Variants in ZNF248 observed in about 807,000 individuals in gnomAD.
ZNF248 encodes KRAB protein domain.
In ZNF248, 20 loss-of-function variants were observed where a neutral mutation model predicts 44.3. The ratio of observed to expected loss-of-function variants is 0.45; its 90% confidence interval spans 0.32 to 0.66. The LOEUF (loss-of-function observed/expected upper bound fraction) is 0.66, where lower values mean the gene tolerates loss of function less well. ZNF248 is among the 30% of genes least tolerant of loss of function. The probability of loss-of-function intolerance (pLI) is 0.04; values close to 1 mark genes in which losing one functional copy is unlikely to be tolerated. For synonymous variants in ZNF248, 224 were observed against 229.0 expected, an observed-to-expected ratio of 0.98 and a Z score of 0.20; for missense variants, 654 against 677.0, an observed-to-expected ratio of 0.97 and a Z score of 0.38.
At position 37,829,777 on chromosome 10, in the gene ZNF248, T is replaced by C; in HGVS notation, c.*1838A>G. 1.0e-6 allele frequency: 1 copy of C among 985,414 alleles called. No homozygotes were observed. The highest frequency in any genetic ancestry group is 5.2e-4 in the Middle Eastern group (1 of 1,914). 61.0% of individuals were successfully genotyped at this position (985,414 alleles called of 1,614,324 possible). The stretch of plus-strand genomic sequence containing the variant: ...CTTCTCATGTCATGACAATGTTGTA[T>C]CAAGGAGATCTTTCCCAGAAGTACT... On this transcript the variant is annotated 3_prime_UTR_variant, in exon 6 of 6. Transcript: ENST00000395867.
At chr10:37,798,015 C>T (rs2049354530) in intron 6 of ZNF248, among the ~76,000 whole-genome samples, 1 of 152,114 alleles carries the variant, frequency 6.6e-6, no homozygotes, top group Non-Finnish European at 1.5e-5. Context: ...CACAAACGCA[C>T]AGCAGCATTG....
intron 6 of ZNF248, chr10:37,795,571 G>A (rs1488095970): frequency 6.6e-6 from 1 of 151,880 alleles, no homozygotes; most frequent in Non-Finnish European, 1.5e-5. Flanking sequence ...TAAATCCTTA[G>A]TGTGGCCCCA....
intron 3 of ZNF248, among the ~76,000 whole-genome samples, chr10:37,847,038 G>A (rs893220241): frequency 1.3e-5 from 2 of 151,986 alleles, no homozygotes; most frequent in African/African-American, 4.8e-5. Context: ...TTTTGTTGTT[G>A]TTGCTGCTGT....
Position 37,838,042 on chromosome 10 carries a change from G to C in ZNF248, c.85C>G (p.Gln29Glu), listed in dbSNP as rs1347105446. The C allele has an allele frequency of 6.2e-7, 1 of 1,613,862 alleles. No homozygotes were observed. The highest frequency in any genetic ancestry group is 1.1e-5 in the South Asian group (1 of 91,042). ...QEEWYLLDPA[Q>E]KILYRDVILE... ...ATCACATCTCTGTATAGAATCTTCT[G>C]AGCAGGGTCCAGCAGATACCACTCT... is the stretch of plus-strand genomic sequence containing the variant. The change falls in exon 4 of 6, where the codon CAG becomes GAG. Residue 29 changes from glutamine (Q) to glutamate (E), a missense_variant. Gln to Glu is a conservative substitution (Grantham distance 29, BLOSUM62 2). Transcript: ENST00000395867.
rs369491168 is a variant in ZNF248, at chr10:37,837,982, T to C, written c.142+3A>G. 7.4e-6 allele frequency: 12 copies of C among 1,612,764 alleles called. No individual in the cohort carries two copies. Among genetic ancestry groups the C allele is most frequent in the Middle Eastern group, 1.7e-4 (1 of 6,052 alleles). ...TAGCCATGTGCGGAAAAAAACTCCT[T>C]ACCTACTGAGACAAGATTGCTATAA... On this transcript the variant is annotated splice_donor_region_variant and intron_variant, in intron 4 of 5. Coordinates refer to ENST00000395867, the MANE Select transcript of ZNF248 (RefSeq NM_021045.3).
At chr10:37,769,526 T>C in the ZNF248 span, among the ~76,000 whole-genome samples, 2 of 152,138 alleles carry the variant, frequency 1.3e-5, no homozygotes, top group Non-Finnish European at 2.9e-5. Context: ...AAAAACCACA[T>C]GATTATCTCA....
Position 37,832,861 on chromosome 10 carries a change from G to C in ZNF248, c.494C>G (p.Pro165Arg). The change falls in exon 6 of 6, where the codon CCT becomes CGT. Residue 165 changes from proline (P) to arginine (R), a missense_variant. Transcript: ENST00000395867. ...TTTCTCACATACATTAAACTCATCA[G>C]GCTTCTTTCTGGAACAGTTCTTTTT... Reference protein sequence around the residue: ...ISKKNCSRKKPDEFNVCEKLL... With the variant: ...ISKKNCSRKKRDEFNVCEKLL... The C allele has an allele frequency of 1.2e-6, 2 of 1,613,788 alleles. No individual in the cohort carries two copies. Among genetic ancestry groups the C allele is most frequent in the Non-Finnish European group, 1.7e-6 (2 of 1,179,842 alleles).
intron 3 of ZNF248, among the ~76,000 whole-genome samples, chr10:37,854,331 G>A (rs921674987): frequency 6.6e-6 from 1 of 152,066 alleles, no homozygotes; most frequent in African/African-American, 2.4e-5. Flanking sequence ...AAAAATAATG[G>A]CTTGCAACTC....
At chr10:37,762,641 A>C in the ZNF248 span, among the ~76,000 whole-genome samples, 19 of 152,324 alleles carry the variant, frequency 1.2e-4, no homozygotes, top group Admixed American at 3.9e-4. Context: ...ATTTTATAAA[A>C]GTTTTTGGCC....
downstream of ZNF248, among the ~76,000 whole-genome samples, chr10:37,774,358 G>A (rs987844153): frequency 7.2e-5 from 11 of 152,172 alleles, no homozygotes; most frequent in African/African-American, 2.7e-4. Context: ...TTTGCTCAGC[G>A]AGAGCACATC....
At chr10:37,783,808 C>T (rs1208772) in intron 6 of ZNF248, 9,142 of 152,248 alleles carry the variant, frequency 0.06, 353 homozygotes, top group Middle Eastern at 0.095. Context: ...CCTTAATATT[C>T]CTCCCAAAGA....
At chr10:37,799,564 A>G (rs1265603686) in intron 6 of ZNF248, among the ~76,000 whole-genome samples, 1 of 152,192 alleles carries the variant, frequency 6.6e-6, no homozygotes, top group Non-Finnish European at 1.5e-5. Context: ...TCTCCAAAAA[A>G]AGAAAAATTC....
At chr10:37,821,105 T>C in intron 6 of ZNF248, 2 of 557,670 alleles carry the variant, frequency 3.6e-6, no homozygotes, top group Admixed American at 3.2e-5. Context: ...CATGCTGCCA[T>C]TGTGGAAGTC....
intron 6 of ZNF248, among the ~76,000 whole-genome samples, chr10:37,801,548 G>T (rs149571914): frequency 6.6e-6 from 1 of 151,882 alleles, no homozygotes; most frequent in East Asian, 1.9e-4. Flanking sequence ...AATACACATA[G>T]AATTATTCTC....
In ZNF248 at chr10:37,832,776, A is replaced by T. The variant is rs574822855; in HGVS notation, c.579T>A (p.Asp193Glu). 6.2e-7 allele frequency: 1 copy of T among 1,613,496 alleles called. No homozygotes were observed. The highest frequency in any genetic ancestry group is 1.7e-5 in the Admixed American group (1 of 59,890). ...GATAATTAATGGCATTCCTTTTTTG[A>T]TCATATTTATAAGACTTCTCTCCAA... The part of the protein sequence containing the change: ...IPIGEKSYKY[D>E]QKRNAINYHQ... The change falls in exon 6 of 6, where the codon GAT becomes GAA. Residue 193 changes from aspartate (D) to glutamate (E), a missense_variant. Asp to Glu is a conservative substitution (Grantham distance 45). Coordinates refer to ENST00000395867, the MANE Select transcript of ZNF248 (RefSeq NM_021045.3).
Position 37,831,469 on chromosome 10 carries a change from T to C in ZNF248, c.*146A>G. 6.9e-7 allele frequency: 1 copy of C among 1,458,634 alleles called. No individual in the cohort carries two copies. 90.4% of individuals were successfully genotyped at this position (1,458,634 alleles called of 1,614,324 possible). Reference sequence around the variant, plus strand: ...ATTCCCCTCAGTACAAATTTTCTAATGAAAAGTTTTAATTTTTCTTGAAAG... The same window carrying C: ...ATTCCCCTCAGTACAAATTTTCTAACGAAAAGTTTTAATTTTTCTTGAAAG... On this transcript the variant is annotated 3_prime_UTR_variant, in exon 6 of 6. Coordinates refer to ENST00000395867, the MANE Select transcript of ZNF248 (RefSeq NM_021045.3).
intron 3 of ZNF248, among the ~76,000 whole-genome samples, chr10:37,853,477 A>G (rs1165463187): frequency 6.6e-6 from 1 of 151,914 alleles, no homozygotes; most frequent in East Asian, 1.9e-4. Context: ...TCCCAGGTTC[A>G]CTCCATTCTC....
chr10:37,853,944 A>G (rs943791107), intron 3 of ZNF248, among the ~76,000 whole-genome samples: 69 of 152,332 alleles, frequency 4.5e-4, no homozygotes, highest in African/African-American at 1.6e-3. Flanking sequence ...TAAATACGAA[A>G]GCCTACCCAC....
intron 6 of ZNF248, among the ~76,000 whole-genome samples, chr10:37,793,772 C>G (rs1260962316): frequency 1.3e-5 from 2 of 152,130 alleles, no homozygotes; most frequent in Non-Finnish European, 2.9e-5. Context: ...GGATTTCCTA[C>G]TTTTCCGTGT....
Sources: gnomAD v4.1 joint callset for allele counts (sites outside exome capture counted in the v4.1 genomes callset) on GRCh38, gnomAD v4.1.1 for gene constraint, MANE v1.5 for transcripts, NCBI Gene and HGNC (gene_info 2026-07-23, HGNC 2026-07-21) for gene names.